NDST4: variants seen among roughly 807,000 people sequenced by gnomAD.
NDST4 encodes the protein N-deacetylase and N-sulfotransferase 4.
Under a neutral mutation model 100.8 loss-of-function variants are expected in NDST4, and 63 were observed. The ratio of observed to expected loss-of-function variants is 0.62; its 90% CI spans 0.51 to 0.77. NDST4 has a LOEUF of 0.77. Among genes scored for constraint, NDST4 ranks in the 30% least tolerant of loss-of-function variants. The probability of loss-of-function intolerance (pLI) is 0.00; values close to 1 mark genes in which losing one functional copy is unlikely to be tolerated. For synonymous variants in NDST4, 377 were observed against 361.8 expected (o/e 1.04, Z -0.48); for missense variants, 943 against 1,018.4 (o/e 0.93, Z 1.01).
chr4:115,098,008 C>T (rs556742723), intron 1 of NDST4, among the ~76,000 whole-genome samples: 52 of 152,198 alleles, frequency 3.4e-4, no homozygotes, highest in African/African-American at 1.2e-3. Context: ...TTCCGGTTTC[C>T]CGGTGCAAAA....
intron 1 of NDST4, among the ~76,000 whole-genome samples, chr4:115,107,508 T>C (rs1729855412): frequency 6.6e-6 from 1 of 151,330 alleles, no homozygotes; most frequent in African/African-American, 2.4e-5. Context: ...ATAATAATGT[T>C]ACTCAATTTG....
At chr4:114,977,131 C>A (rs1726656275) in intron 3 of NDST4, 56 bp downstream of exon 3, 9 of 1,133,502 alleles carry the variant, frequency 7.9e-6, no homozygotes, top group South Asian at 1.4e-5. Context: ...ATGAATCATT[C>A]AAAATTTATT....
At position 114,844,261 on chromosome 4, in the gene NDST4, T is replaced by C. The variant is rs540343673; in HGVS notation, c.2115+1562A>G. ...TTTGTCCTATTCCAGTTTCTTCAAA[T>C]AGCAGATAATGTGATGTATTGTAAA... On this transcript the variant is annotated intron_variant, in intron 10 of 13. Coordinates refer to ENST00000264363, the MANE Select transcript of NDST4 (RefSeq NM_022569.3). 3.9e-5 allele frequency among the ~76,000 whole-genome samples: 6 copies of C among 152,332 alleles called. No individual in the cohort carries two copies. The East Asian group carries it at 9.6e-4, about 24-fold the overall frequency.
At chr4:115,040,244 A>G (rs1041386303) in intron 2 of NDST4, among the ~76,000 whole-genome samples, 2 of 150,866 alleles carry the variant, frequency 1.3e-5, no homozygotes, top group African/African-American at 4.9e-5. Flanking sequence ...AAAATATACA[A>G]TAGATCTAAA....
chr4:115,094,018 A>G (rs72900624), intron 1 of NDST4, among the ~76,000 whole-genome samples: 3,362 of 152,194 alleles, frequency 0.022, 140 homozygotes, highest in African/African-American at 0.076. Context: ...AATCAATTTG[A>G]CAAACCTCTG....
intron 1 of NDST4, among the ~76,000 whole-genome samples, chr4:115,091,964 A>G (rs1375732317): frequency 6.6e-6 from 1 of 152,222 alleles, no homozygotes; most frequent in Non-Finnish European, 1.5e-5. Flanking sequence ...GATGCAAACT[A>G]TATAACTGGA....
At chr4:114,868,190 CAA>C (rs1724074194) in intron 7 of NDST4, among the ~76,000 whole-genome samples, 1 of 151,974 alleles carries the variant, frequency 6.6e-6, no homozygotes, top group Non-Finnish European at 1.5e-5. Context: ...CTTGTAAATA[CAA>C]AAGAGTACTT....
At chr4:114,910,489 C>T (rs999043754) in intron 6 of NDST4, among the ~76,000 whole-genome samples, 1 of 152,116 alleles carries the variant, frequency 6.6e-6, no homozygotes, top group Non-Finnish European at 1.5e-5. Flanking sequence ...AAAATGAGAA[C>T]TTTTTTCCTT....
At chr4:114,882,085 A>C (rs1021392471) in intron 6 of NDST4, among the ~76,000 whole-genome samples, 1 of 152,018 alleles carries the variant, frequency 6.6e-6, no homozygotes, top group Non-Finnish European at 1.5e-5. Flanking sequence ...AAAGGATCAA[A>C]ATTTTCTCAC....
intron 2 of NDST4, among the ~76,000 whole-genome samples, chr4:115,000,513 G>C (rs1218628343): frequency 1.3e-5 from 2 of 151,868 alleles, no homozygotes; most frequent in African/African-American, 4.8e-5. Flanking sequence ...GGACCCAAAA[G>C]GATTGTCAGT....
chr4:114,890,039 A>T (rs2126205670), intron 6 of NDST4, among the ~76,000 whole-genome samples: 1 of 152,074 alleles, frequency 6.6e-6, no homozygotes. Context: ...GCTTTATATC[A>T]CTCCAAATTT....
intron 2 of NDST4, among the ~76,000 whole-genome samples, chr4:115,016,334 G>C (rs1727675993): frequency 6.6e-6 from 1 of 152,086 alleles, no homozygotes; most frequent in African/African-American, 2.4e-5. Flanking sequence ...ATACGGTACT[G>C]CTTATCCCAT....
chr4:114,934,505 G>C (rs1011082748), intron 6 of NDST4, among the ~76,000 whole-genome samples: 5 of 150,448 alleles, frequency 3.3e-5, no homozygotes, highest in African/African-American at 1.2e-4. Context: ...AGCTAGCGGA[G>C]ATCGCGCCAC....
intron 2 of NDST4, among the ~76,000 whole-genome samples, chr4:114,982,826 G>A (rs1726806924): frequency 6.6e-6 from 1 of 152,158 alleles, no homozygotes; most frequent in African/African-American, 2.4e-5. Flanking sequence ...GCCTGAGAGA[G>A]AAAAATGGTT....
chr4:114,929,041 T>TGTCTGTCCGTCCGTCCGTCC (rs1725443965), intron 6 of NDST4, among the ~76,000 whole-genome samples: 1 of 121,988 alleles, frequency 8.2e-6, no homozygotes, highest in Non-Finnish European at 1.8e-5. Context: ...TCTGTCTGTC[T>TGTCTGTCCGTCCGTCCGTCC]GTCCGTCCGT....
chr4:115,037,888 A>T (rs1241828414), intron 2 of NDST4, among the ~76,000 whole-genome samples: 1 of 152,186 alleles, frequency 6.6e-6, no homozygotes, highest in East Asian at 1.9e-4. Flanking sequence ...TGAAAAGAGT[A>T]GCAAGAGAAA....
intron 2 of NDST4, among the ~76,000 whole-genome samples, chr4:115,040,349 T>G (rs1229665725): frequency 3.3e-5 from 5 of 149,260 alleles, no homozygotes; most frequent in Non-Finnish European, 5.9e-5. Flanking sequence ...ACGAGATACA[T>G]CTTAAGAACA....
chr4:114,902,657 T>G (rs747418155), intron 6 of NDST4, among the ~76,000 whole-genome samples: 26 of 152,056 alleles, frequency 1.7e-4, no homozygotes, highest in Non-Finnish European at 2.9e-4. Flanking sequence ...AAATACTTAT[T>G]CTCTTCGTTT....
rs567933007 is a variant in NDST4 at position 115,076,809 on chromosome 4, C to T, written c.228G>A (p.Thr76=). 3.1e-6 allele frequency: 5 copies of T among 1,613,820 alleles called. No homozygotes were observed. The highest frequency in any genetic ancestry group is 1.3e-5 in the African/African-American group (1 of 74,998). The change falls in exon 2 of 14, where the codon ACG becomes ACA. Residue 76 remains threonine (T), a synonymous_variant. Transcript: ENST00000264363. Reference sequence around the variant, plus strand: ...CCACGAAGAGAAGGACAGTAGGGTCCGTTTTGGATGTGTCAATAGGTTTAA... The same window carrying T: ...CCACGAAGAGAAGGACAGTAGGGTCTGTTTTGGATGTGTCAATAGGTTTAA... ...KTVKPIDTSK[T]DPTVLLFVES...
Sources: allele counts gnomAD v4.1 joint callset (sites outside exome capture counted in the v4.1 genomes callset), GRCh38; gene constraint gnomAD v4.1.1; transcripts MANE v1.5; gene names NCBI Gene and HGNC (gene_info 2026-07-23, HGNC 2026-07-21).